Variants in ABCD3 observed in about 807,000 individuals in gnomAD.
The protein encoded by ABCD3 is ATP binding cassette subfamily D member 3.
ABCD3 carries 41 observed loss-of-function variants against 105.5 expected under a neutral mutation model. That is an observed-to-expected ratio of 0.39 (90% CI 0.30 to 0.50). The LOEUF (loss-of-function observed/expected upper bound fraction) is 0.50. Ranked by LOEUF, ABCD3 falls within the 20% of genes least tolerant of loss-of-function variation. The pLI is 0.84. For missense variants in ABCD3, 622 were observed against 806.3 expected, an observed-to-expected ratio of 0.77 and a Z score of 2.77; for synonymous variants, 258 against 269.0, an observed-to-expected ratio of 0.96 and a Z score of 0.40.
At chr1:94,490,590 A>G (rs778131546) in intron 15 of ABCD3, among the ~76,000 whole-genome samples, 1 of 152,122 alleles carries the variant, frequency 6.6e-6, no homozygotes. Flanking sequence ...AAAGTGGGGT[A>G]ATATTCTATT....
chr1:94,487,400 A>G (rs1649326443), intron 10 of ABCD3, 142 bp from the exon 11 acceptor site: 1 of 803,170 alleles, frequency 1.2e-6, no homozygotes, highest in Non-Finnish European at 2.1e-6. Flanking sequence ...GATGTACAAT[A>G]TAAACAGAAT....
chr1:94,510,477 G>A (rs1650604691), intron 21 of ABCD3, among the ~76,000 whole-genome samples: 1 of 152,186 alleles, frequency 6.6e-6, no homozygotes, highest in Non-Finnish European at 1.5e-5. Flanking sequence ...TTGATTTGGG[G>A]TGGAGAGTTC....
intron 13 of ABCD3, among the ~76,000 whole-genome samples, chr1:94,488,249 A>G (rs528777641): frequency 6.6e-6 from 1 of 152,240 alleles, no homozygotes; most frequent in East Asian, 1.9e-4. Flanking sequence ...ATGTTGAATC[A>G]TGGCAGTCTT....
intron 1 of ABCD3, among the ~76,000 whole-genome samples, chr1:94,435,013 C>T (rs904700102): frequency 6.6e-6 from 1 of 152,044 alleles, no homozygotes; most frequent in East Asian, 1.9e-4. Context: ...CTACATATCC[C>T]CCTGCCACCT....
At chr1:94,480,656 T>C (rs750584042) in intron 9 of ABCD3, 50 bp downstream of exon 9, 11 of 1,598,554 alleles carry the variant, frequency 6.9e-6, no homozygotes, top group Middle Eastern at 1.7e-4. Context: ...TCTATGGATA[T>C]TGATGTCATT....
At chr1:94,470,510 T>A (rs945117170) in intron 4 of ABCD3, among the ~76,000 whole-genome samples, 2 of 152,132 alleles carry the variant, frequency 1.3e-5, no homozygotes, top group Admixed American at 6.5e-5. Context: ...AATCTTTTTT[T>A]AAAAAATTGT....
chr1:94,388,637 A>G, the ABCD3 span, among the ~76,000 whole-genome samples: 2 of 152,324 alleles, frequency 1.3e-5, no homozygotes, highest in African/African-American at 4.8e-5. Flanking sequence ...CTAAGAATAT[A>G]GCAGTTCCTA....
the ABCD3 span, among the ~76,000 whole-genome samples, chr1:94,407,619 G>C: frequency 6.6e-6 from 1 of 152,178 alleles, no homozygotes; most frequent in South Asian, 2.1e-4. Flanking sequence ...TTGTGTATGT[G>C]AATATTATCC....
At position 94,499,394 on chromosome 1, in the gene ABCD3, A is replaced by G. The variant is rs1557688549; in HGVS notation, c.1621-101A>G. On this transcript the variant is annotated intron_variant, in intron 19 of 22. Transcript: ENST00000370214. ...CTGAAATGTATCTTTTAAGTGGTAC[A>G]GACAATAGAATTATAGTGATTCCAG... The G allele has an allele frequency of 9.3e-6, 12 of 1,291,158 alleles. 1 individual carries two copies. The allele number at this position is 1,291,158 out of a possible 1,614,324, so 80.0% of individuals were successfully genotyped here.
chr1:94,420,248 A>G (rs1032203516), intron 1 of ABCD3, among the ~76,000 whole-genome samples: 2 of 152,182 alleles, frequency 1.3e-5, no homozygotes, highest in Non-Finnish European at 2.9e-5. Flanking sequence ...CACCCCAGAA[A>G]TTCTCCTCAT....
chr1:94,482,848 G>A, intron 9 of ABCD3: 1 of 312,376 alleles, frequency 3.2e-6, no homozygotes, highest in Admixed American at 4.5e-5. Flanking sequence ...TCCCAGCCCT[G>A]CCTTTCTGTA....
chr1:94,501,681 C>G (rs1650105787), intron 20 of ABCD3, among the ~76,000 whole-genome samples: 1 of 152,062 alleles, frequency 6.6e-6, no homozygotes, highest in Non-Finnish European at 1.5e-5. Flanking sequence ...GTGTTTCTGA[C>G]CAAAAGTTAT....
intron 21 of ABCD3, among the ~76,000 whole-genome samples, chr1:94,508,241 A>C (rs1570837841): frequency 6.6e-6 from 1 of 152,308 alleles, no homozygotes; most frequent in East Asian, 1.9e-4. Flanking sequence ...CCATTTATTA[A>C]ATAGGGAATG....
rs1557678517 is a variant in ABCD3 at position 94,475,257 on chromosome 1, T to G, written c.503+17T>G. On this transcript the variant is annotated intron_variant, in intron 6 of 22. Coordinates refer to ENST00000370214, the MANE Select transcript of ABCD3 (RefSeq NM_002858.4). The stretch of plus-strand genomic sequence containing the variant: ...GTATCTTCAGTAAGTGATAACCTAT[T>G]TTTATATTAAAAATATTTAAATAGA... 7.1e-7 allele frequency: 1 copy of G among 1,413,258 alleles called. No individual in the cohort carries two copies. The highest frequency in any genetic ancestry group is 1.4e-5 in the African/African-American group (1 of 69,958). 87.5% of individuals were successfully genotyped at this position (1,413,258 alleles called of 1,614,324 possible).
At chr1:94,432,889 CTG>C (rs753108662) in intron 1 of ABCD3, among the ~76,000 whole-genome samples, 39 of 149,566 alleles carry the variant, frequency 2.6e-4, no homozygotes, top group Non-Finnish European at 5.0e-4. Flanking sequence ...GAGTCTCACT[CTG>C]TTGCTCAGAC....
the ABCD3 span, among the ~76,000 whole-genome samples, chr1:94,389,946 C>A: frequency 6.6e-6 from 1 of 152,156 alleles, no homozygotes; most frequent in Non-Finnish European, 1.5e-5. Context: ...TAGCCAAGAT[C>A]TCTGCAGACT....
chr1:94,403,661 A>G, the ABCD3 span, among the ~76,000 whole-genome samples: 16 of 152,322 alleles, frequency 1.1e-4, no homozygotes, highest in East Asian at 3.1e-3. Context: ...TCAATGGCTT[A>G]TAATTTATTA....
intron 1 of ABCD3, among the ~76,000 whole-genome samples, chr1:94,423,807 C>T (rs548368163): frequency 1.3e-5 from 2 of 152,182 alleles, no homozygotes; most frequent in South Asian, 2.1e-4. Flanking sequence ...CAGCTTCTTA[C>T]TCCCTGCACT....
In ABCD3 at chr1:94,518,180, G is replaced by A. The variant is rs1007556150; in HGVS notation, c.*1051G>A. The stretch of plus-strand genomic sequence containing the variant: ...AATAACTTTTTTATATTTGGGTTAT[G>A]ATGTCAAACGATCCTAAGCGAAGAT... On this transcript the variant is annotated 3_prime_UTR_variant, in exon 23 of 23. Transcript: ENST00000370214. 5.3e-5 allele frequency: 8 copies of A among 152,346 alleles called. No individual in the cohort carries two copies. The highest frequency in any genetic ancestry group is 1.9e-4 in the African/African-American group (8 of 41,510). 9.4% of individuals were successfully genotyped at this position (152,346 alleles called of 1,614,324 possible).
Sources: gnomAD v4.1 joint callset for allele counts (sites outside exome capture counted in the v4.1 genomes callset) on GRCh38, gnomAD v4.1.1 for gene constraint, MANE v1.5 for transcripts, NCBI Gene and HGNC (gene_info 2026-07-23, HGNC 2026-07-21) for gene names.